PIK3R2: variants seen among roughly 807,000 people sequenced by gnomAD.
PIK3R2 encodes the protein phosphoinositide-3-kinase regulatory subunit 2.
PIK3R2 carries 40 observed loss-of-function variants against 78.5 expected under a neutral mutation model. That is an observed-to-expected ratio of 0.51 (90% confidence interval 0.40 to 0.66). The LOEUF (loss-of-function observed/expected upper bound fraction) is 0.66, where lower values mean the gene tolerates loss of function less well. PIK3R2 is among the 30% of genes least tolerant of loss of function. The pLI is 0.00. For missense variants in PIK3R2, 880 were observed against 1,026.6 expected (o/e 0.86, Z 1.95); for synonymous variants, 473 against 457.7 (o/e 1.03, Z -0.43).
chr19:18,157,734 C>CTTTTT (rs55946610), intron 2 of PIK3R2, among the ~76,000 whole-genome samples: 12 of 127,068 alleles, frequency 9.4e-5, no homozygotes, highest in African/African-American at 1.5e-4. Flanking sequence ...TGTCCTTTTC[C>CTTTTT]TTTTTTTTTT....
rs2043751259 is a variant in PIK3R2, at chr19:18,161,857, A to T, written c.816-109A>T. 2 of 878,342 alleles carry T rather than the reference A, an allele frequency of 2.3e-6. No individual in the cohort carries two copies. The highest frequency in any genetic ancestry group is 3.7e-6 in the Non-Finnish European group (2 of 535,402). The allele number at this position is 878,342 out of a possible 1,614,324, so 54.4% of individuals were successfully genotyped here. A position where few individuals can be genotyped will look rare whatever the true frequency, so the allele number is the denominator to read the frequency against. ...TATCATCTCCTCCTCCGCCCTGCAC[A>T]TACTGTCTCGTATATACCCCCAGGC... On this transcript the variant is annotated intron_variant, in intron 6 of 15. Transcript: ENST00000222254. This position sits in a 1 kb window ranked among gnomAD's most constrained non-coding sequence, Gnocchi z 5.3.
At position 18,161,203 on chromosome 19, in the gene PIK3R2, C is replaced by G. The variant is rs1417030564; in HGVS notation, c.598+18C>G. On this transcript the variant is annotated intron_variant, in intron 5 of 15. Transcript: ENST00000222254. This position sits in a 1 kb window ranked among gnomAD's most constrained non-coding sequence, Gnocchi z 5.3. ...CCTGCGGGGTGAGCCTGGCGGGTAG[C>G]CCGGGGGAAGGAGGGGGCTGTAGCG... 1.9e-6 allele frequency: 3 copies of G among 1,540,000 alleles called. No homozygotes were observed. Among genetic ancestry groups the G allele is most frequent in the East Asian group, 2.5e-5 (1 of 40,800 alleles).
At position 18,167,481 on chromosome 19, in the gene PIK3R2, A is replaced by AGCTTAGTC. The variant is rs1401107248; in HGVS notation, c.1736+176_1736+183dup. 1.3e-5 allele frequency among the ~76,000 whole-genome samples: 2 copies of AGCTTAGTC among 152,130 alleles called. No individual in the cohort carries two copies. The highest frequency in any genetic ancestry group is 2.9e-5 in the Non-Finnish European group (2 of 68,018). The stretch of plus-strand genomic sequence containing the variant: ...GAAAGTTTTCCCATAGGTCAGCCTC[A>AGCTTAGTC]GCTTAGTCAGAGGTGTGTGCAATGG... On this transcript the variant is annotated intron_variant, in intron 13 of 15. Transcript: ENST00000222254. The surrounding 1 kb of genome is among the most constrained non-coding windows in gnomAD (Gnocchi z 4.5).
chr19:18,156,317 C>A lies in PIK3R2; in HGVS notation c.322+116C>A, dbSNP rs1209172297. On this transcript the variant is annotated intron_variant, in intron 2 of 15. Coordinates refer to ENST00000222254, the MANE Select transcript of PIK3R2 (RefSeq NM_005027.4). The surrounding 1 kb of genome is among the most constrained non-coding windows in gnomAD (Gnocchi z 4.2). Reference sequence around the variant, plus strand: ...GGAAGGAGGAAAAAGGACATTTGGTCATTTGACAAGTGTCTTCAGTGCTAG... The same window carrying A: ...GGAAGGAGGAAAAAGGACATTTGGTAATTTGACAAGTGTCTTCAGTGCTAG... 3.6e-6 allele frequency: 3 copies of A among 828,314 alleles called. No homozygotes were observed. The highest frequency in any genetic ancestry group is 5.3e-6 in the Non-Finnish European group (3 of 569,768). The allele number at this position is 828,314 out of a possible 1,614,324, so 51.3% of individuals were successfully genotyped here. A position where few individuals can be genotyped will look rare whatever the true frequency, so the allele number is the denominator to read the frequency against.
At chr19:18,154,889 C>T (rs2043660932) in intron 1 of PIK3R2, among the ~76,000 whole-genome samples, 1 of 146,248 alleles carries the variant, frequency 6.8e-6, no homozygotes, top group African/African-American at 2.5e-5. Flanking sequence ...CCAACCTGGG[C>T]AACATAGCAA....
At position 18,156,944 on chromosome 19, in the gene PIK3R2, A is replaced by C. The variant is rs766710698; in HGVS notation, c.322+743A>C. ...AACTGTGGCCCAGGTTGCAAGGAGG[A>C]GGCTAAGAGGTGCTGCATGCTCGGC... On this transcript the variant is annotated intron_variant, in intron 2 of 15. Coordinates refer to ENST00000222254, the MANE Select transcript of PIK3R2 (RefSeq NM_005027.4). The surrounding 1 kb of genome is among the most constrained non-coding windows in gnomAD (Gnocchi z 4.2). Among the ~76,000 whole-genome samples, 1 of 152,012 alleles carries C rather than the reference A, an allele frequency of 6.6e-6. No homozygotes were observed. Among genetic ancestry groups the C allele is most frequent in the South Asian group, 2.1e-4 (1 of 4,818 alleles).
chr19:18,167,447 G>C lies in PIK3R2; in HGVS notation c.1736+141G>C. 1.5e-6 allele frequency: 1 copy of C among 657,378 alleles called. No homozygotes were observed. Among genetic ancestry groups the C allele is most frequent in the Non-Finnish European group, 2.4e-6 (1 of 424,256 alleles). The allele number at this position is 657,378 out of a possible 1,614,324, so 40.7% of individuals were successfully genotyped here. A position where few individuals can be genotyped will look rare whatever the true frequency, so the allele number is the denominator to read the frequency against. On this transcript the variant is annotated intron_variant, in intron 13 of 15. Coordinates refer to ENST00000222254, the MANE Select transcript of PIK3R2 (RefSeq NM_005027.4). The surrounding 1 kb of genome is among the most constrained non-coding windows in gnomAD (Gnocchi z 4.5). Reference sequence around the variant, plus strand: ...AGACCCCTTAAACTCGGTTCCTCCCGGGCCCCTTGAAAGTTTTCCCATAGG... The same window carrying C: ...AGACCCCTTAAACTCGGTTCCTCCCCGGCCCCTTGAAAGTTTTCCCATAGG...
At position 18,155,902 on chromosome 19, in the gene PIK3R2, A is replaced by G. The variant is rs1438381426; in HGVS notation, c.23A>G (p.Gln8Arg). ...GCCATGGCGGGCCCTGAGGGCTTCC[A>G]GTACCGCGCTCTGTACCCGTTCCGC... MAGPEGF[Q>R]YRALYPFRRE... Residue 8 changes from glutamine (Q) to arginine (R), a missense_variant, in exon 2 of 16, where the codon CAG becomes CGG. Coordinates refer to ENST00000222254, the MANE Select transcript of PIK3R2 (RefSeq NM_005027.4). 5 of 1,558,666 alleles carry G rather than the reference A, an allele frequency of 3.2e-6. No individual in the cohort carries two copies. The highest frequency in any genetic ancestry group is 2.4e-5 in the East Asian group (1 of 41,624).
chr19:18,160,584 A>G lies in PIK3R2; in HGVS notation c.415+21A>G, dbSNP rs573724992. ...GACAGGTAAGTTCCAGCCTGGCTGCAGCCCCTGGATTCTGCTTGCTTACCT... is the reference window on the plus strand; with the variant it reads ...GACAGGTAAGTTCCAGCCTGGCTGCGGCCCCTGGATTCTGCTTGCTTACCT... On this transcript the variant is annotated intron_variant, in intron 3 of 15. Coordinates refer to ENST00000222254, the MANE Select transcript of PIK3R2 (RefSeq NM_005027.4). 12 of 1,573,570 alleles carry G rather than the reference A, an allele frequency of 7.6e-6. No homozygotes were observed. The Admixed American group carries it at 1.8e-4, about 24-fold the overall frequency.
chr19:18,159,862 C>T (rs1358820270), intron 2 of PIK3R2, among the ~76,000 whole-genome samples: 1 of 152,202 alleles, frequency 6.6e-6, no homozygotes, highest in Admixed American at 6.5e-5. Flanking sequence ...CTGCCTCAAC[C>T]TCCCGAGTAG....
chr19:18,169,301 A>T lies in PIK3R2; in HGVS notation c.*7A>T. 1 of 1,456,652 alleles carries T rather than the reference A, an allele frequency of 6.9e-7. No homozygotes were observed. Among genetic ancestry groups the T allele is most frequent in the Non-Finnish European group, 9.0e-7 (1 of 1,111,050 alleles). The allele number at this position is 1,456,652 out of a possible 1,614,324, so 90.2% of individuals were successfully genotyped here. On this transcript the variant is annotated 3_prime_UTR_variant, in exon 16 of 16. Transcript: ENST00000222254. The stretch of plus-strand genomic sequence containing the variant: ...GCCGCCTGCCGCCCGCTGAGCACCG[A>T]GGACCCGCCCCAAGCAGAGCCGCCC...
rs1468672039 is a variant in PIK3R2, at chr19:18,168,712, G to A, written c.1809-14G>A. ...AGTGACCAGGGCCCTCCCCGCCACC[G>A]CCCCCCACCCCAGCCAGTACGCACT... On this transcript the variant is annotated splice_polypyrimidine_tract_variant and intron_variant, in intron 14 of 15. Transcript: ENST00000222254. The surrounding 1 kb of genome is among the most constrained non-coding windows in gnomAD (Gnocchi z 4.1). 3.3e-6 allele frequency: 3 copies of A among 905,482 alleles called. No individual in the cohort carries two copies. The highest frequency in any genetic ancestry group is 5.1e-6 in the Non-Finnish European group (3 of 583,850). The allele number at this position is 905,482 out of a possible 1,614,324, so 56.1% of individuals were successfully genotyped here.
At position 18,166,257 on chromosome 19, in the gene PIK3R2, A is replaced by G; in HGVS notation, c.1514A>G (p.Tyr505Cys). The stretch of plus-strand genomic sequence containing the variant: ...ACTCAAGAGAAATGCAGCAAGGAAT[A>G]CCTGGAGCGCTTCCGGCGTGAGGGC... ...GQTQEKCSKEYLERFRREGNE... is the reference protein window; with the variant it reads ...GQTQEKCSKECLERFRREGNE... The change falls in exon 12 of 16, where the codon TAC becomes TGC. Residue 505 changes from tyrosine to cysteine, a missense_variant. Coordinates refer to ENST00000222254, the MANE Select transcript of PIK3R2 (RefSeq NM_005027.4). 1 of 1,614,146 alleles carries G rather than the reference A, an allele frequency of 6.2e-7. No homozygotes were observed. The highest frequency in any genetic ancestry group is 8.5e-7 in the Non-Finnish European group (1 of 1,180,024).
At chr19:18,157,488 G>A (rs2147946627) in intron 2 of PIK3R2, among the ~76,000 whole-genome samples, 1 of 152,314 alleles carries the variant, frequency 6.6e-6, no homozygotes, top group East Asian at 1.9e-4. Flanking sequence ...GTTGGTCCCT[G>A]GGGATGCTGG....
intron 2 of PIK3R2, among the ~76,000 whole-genome samples, chr19:18,157,330 C>T (rs568107556): frequency 2.0e-5 from 3 of 152,302 alleles, no homozygotes; most frequent in East Asian, 3.9e-4. Context: ...AGCCACCTCC[C>T]TCCTCTGCCT....
At position 18,162,220 on chromosome 19, in the gene PIK3R2, C is replaced by A; in HGVS notation, c.920C>A (p.Pro307His). 2 of 1,591,432 alleles carry A rather than the reference C, an allele frequency of 1.3e-6. No individual in the cohort carries two copies. Among genetic ancestry groups the A allele is most frequent in the Non-Finnish European group, 1.7e-6 (2 of 1,160,886 alleles). ...CCCCCAGCGCTGCCGCCTAAACCCCCCAAGGCAAAGCCGGCCTCCACAGTC... is the reference window on the plus strand; with the variant it reads ...CCCCCAGCGCTGCCGCCTAAACCCCACAAGGCAAAGCCGGCCTCCACAGTC... ...VAPPALPPKP[P>H]KAKPASTVLA... The change falls in exon 8 of 16, where the codon CCC becomes CAC. Residue 307 changes from proline to histidine, a missense_variant. Pro to His is a moderately conservative substitution (Grantham distance 77, BLOSUM62 -2). Transcript: ENST00000222254.
chr19:18,162,514 C>T lies in PIK3R2; in HGVS notation c.1109+8C>T, dbSNP rs1230605846. Reference sequence around the variant, plus strand: ...GTACACGCTGACCCTCAGGTGGGGGCCTGTCCCTGCAAGGATAACCGGGGG... The same window carrying T: ...GTACACGCTGACCCTCAGGTGGGGGTCTGTCCCTGCAAGGATAACCGGGGG... On this transcript the variant is annotated splice_region_variant and intron_variant, in intron 9 of 15. Transcript: ENST00000222254. The T allele has an allele frequency of 1.9e-6, 3 of 1,609,390 alleles. 1 individual carries two copies. Among genetic ancestry groups the T allele is most frequent in the South Asian group, 2.2e-5 (2 of 91,000 alleles).
chr19:18,159,144 C>CTTTT (rs57543686), intron 2 of PIK3R2, among the ~76,000 whole-genome samples: 583 of 50,052 alleles, frequency 0.012, 35 homozygotes, highest in African/African-American at 0.045. Context: ...GCCTGGCCTC[C>CTTTT]TTTTTTTTTT....
intron 9 of PIK3R2, 102 bp downstream of exon 9, chr19:18,162,608 G>A: frequency 1.0e-6 from 1 of 960,560 alleles, no homozygotes; most frequent in Non-Finnish European, 1.6e-6. Flanking sequence ...GGAGGGCCAG[G>A]CACGGTGGCT....
Sources: allele counts gnomAD v4.1 joint callset (sites outside exome capture counted in the v4.1 genomes callset), GRCh38; gene constraint gnomAD v4.1.1; non-coding constraint Gnocchi (gnomAD v3.1); transcripts MANE v1.5; gene names NCBI Gene and HGNC (gene_info 2026-07-23, HGNC 2026-07-21).